Variants in CACNA1E observed in about 807,000 individuals in gnomAD.
CACNA1E encodes the protein calcium voltage-gated channel subunit alpha1 E.
A neutral mutation model predicts 259.2 loss-of-function variants in CACNA1E; 40 were observed. The observed-to-expected ratio is 0.15, with a 90% CI of 0.12 to 0.20. The LOEUF is 0.20. Among genes scored for constraint, CACNA1E ranks in the 10% least tolerant of loss-of-function variants. CACNA1E has a pLI of 1.00. For missense variants in CACNA1E, 1,874 were observed against 3,040.1 expected (o/e 0.62, Z 9.02); for synonymous variants, 1,104 against 1,138.5 (o/e 0.97, Z 0.61).
chr1:181,487,015 A>G (rs1002398508), intron 1 of CACNA1E, among the ~76,000 whole-genome samples: 3 of 146,328 alleles, frequency 2.1e-5, no homozygotes, highest in Non-Finnish European at 4.5e-5. Context: ...GCTCTTTGTA[A>G]GTGCCAGATT....
rs769497204 is a variant in CACNA1E, at chr1:181,579,243, G to C, written c.769+19G>C. ...AATTCAGGTAGGGTCGTTCTTTTCT[G>C]TCTTCTCCTTTTCCCTTCTCCCCTC... On this transcript the variant is annotated intron_variant, in intron 5 of 47. Coordinates refer to ENST00000367573, the MANE Select transcript of CACNA1E (RefSeq NM_001205293.3). 2.5e-6 allele frequency: 4 copies of C among 1,595,572 alleles called. No individual in the cohort carries two copies. The highest frequency in any genetic ancestry group is 3.4e-6 in the Non-Finnish European group (4 of 1,171,348).
In CACNA1E at chr1:181,803,875, T is replaced by C. The variant is rs962794785; in HGVS notation, c.*5041T>C. ...CAAAACTCAAGATAGCTGAGAAGTATGAATGGGGTTCACAGCAAAGTCCAA... is the reference window on the plus strand; with the variant it reads ...CAAAACTCAAGATAGCTGAGAAGTACGAATGGGGTTCACAGCAAAGTCCAA... On this transcript the variant is annotated 3_prime_UTR_variant, in exon 48 of 48. Transcript: ENST00000367573. 16 of 152,328 alleles carry C rather than the reference T, an allele frequency of 1.1e-4. No homozygotes were observed. Among genetic ancestry groups the C allele is most frequent in the African/African-American group, 3.6e-4 (15 of 41,578 alleles). The allele number at this position is 152,328 out of a possible 1,614,324, so 9.4% of individuals were successfully genotyped here.
At chr1:181,754,567 A>C (rs551314587) in intron 27 of CACNA1E, among the ~76,000 whole-genome samples, 2 of 152,328 alleles carry the variant, frequency 1.3e-5, no homozygotes, top group African/African-American at 4.8e-5. Context: ...GTAAGTCCCT[A>C]GTTCTATCTA....
intron 1 of CACNA1E, among the ~76,000 whole-genome samples, chr1:181,390,502 G>T (rs1656183643): frequency 6.6e-6 from 1 of 152,110 alleles, no homozygotes; most frequent in African/African-American, 2.4e-5. Context: ...GGACAGAGAA[G>T]AATTCTGGGC....
intron 6 of CACNA1E, among the ~76,000 whole-genome samples, chr1:181,602,378 T>C (rs1653827965): frequency 6.6e-6 from 1 of 152,202 alleles, no homozygotes; most frequent in South Asian, 2.1e-4. Flanking sequence ...TTTTGGAATA[T>C]TTGTATTATA....
rs60257271 is a variant in CACNA1E at position 181,440,983 on chromosome 1, C to CAAAA, written c.434+27436_434+27439dup. ...GTGAGAGAGCGAGACGACCTTGTTT[C>CAAAA]AAAAAAAAAAAAAAAAAAAAAAAAA... On this transcript the variant is annotated intron_variant, in intron 2 of 11. Transcript: ENST00000524607. Among the ~76,000 whole-genome samples, 4 of 38,170 alleles carry CAAAA rather than the reference C, an allele frequency of 1.0e-4. 1 individual carries two copies. Among genetic ancestry groups the CAAAA allele is most frequent in the Non-Finnish European group, 1.5e-4 (3 of 20,514 alleles). 25.0% of individuals were successfully genotyped at this position (38,170 alleles called of 152,430 possible).
chr1:181,435,301 T>C (rs1342777245), intron 2 of CACNA1E, among the ~76,000 whole-genome samples: 1 of 152,210 alleles, frequency 6.6e-6, no homozygotes, highest in Non-Finnish European at 1.5e-5. Flanking sequence ...GTTTTGACTG[T>C]AGTTTTGAGA....
chr1:181,510,411 G>C, intron 1 of CACNA1E, 66 bp from the exon 2 acceptor site: 1 of 1,041,396 alleles, frequency 9.6e-7, no homozygotes. Flanking sequence ...GTGTGTTTAT[G>C]GGCACGGCCA....
rs372481114 is a variant in CACNA1E at position 181,394,132 on chromosome 1, T to A, written c.-14-19001T>A. The stretch of plus-strand genomic sequence containing the variant: ...ACTCAGTCCAGGTGTGTGTGGAAGG[T>A]GCTTGATACAAGAATGGGAAGAGTG... On this transcript the variant is annotated intron_variant, in intron 1 of 11. Transcript: ENST00000524607. Among the ~76,000 whole-genome samples the A allele has an allele frequency of 9.2e-5, 14 of 152,278 alleles. No homozygotes were observed. In the East Asian group the frequency reaches 2.7e-3, roughly 29 times the overall value.
chr1:181,693,859 G>A lies in CACNA1E; in HGVS notation c.1056-17095G>A, dbSNP rs1216126496. On this transcript the variant is annotated intron_variant, in intron 7 of 47. Transcript: ENST00000367573. ...TTAAAATCTAAATAAACACAGATCTGTTAAAGGAATTTAATTCATATTCTA... is the reference window on the plus strand; with the variant it reads ...TTAAAATCTAAATAAACACAGATCTATTAAAGGAATTTAATTCATATTCTA... Among the ~76,000 whole-genome samples the A allele has an allele frequency of 2.6e-5, 4 of 152,184 alleles. No individual in the cohort carries two copies. In the East Asian group the frequency reaches 7.7e-4, roughly 29 times the overall value.
intron 7 of CACNA1E, among the ~76,000 whole-genome samples, chr1:181,660,721 A>T (rs1283859449): frequency 6.6e-6 from 1 of 152,162 alleles, no homozygotes; most frequent in Non-Finnish European, 1.5e-5. Flanking sequence ...AGTGTTCCAG[A>T]TGAGATCTCT....
intron 2 of CACNA1E, among the ~76,000 whole-genome samples, chr1:181,446,758 C>T (rs548021691): frequency 6.6e-6 from 1 of 152,254 alleles, no homozygotes; most frequent in South Asian, 2.1e-4. Flanking sequence ...TGCTGGGAGA[C>T]ATCATGAAAT....
At chr1:181,722,089 A>C (rs2102487471) in intron 16 of CACNA1E, among the ~76,000 whole-genome samples, 1 of 152,286 alleles carries the variant, frequency 6.6e-6, no homozygotes, top group East Asian at 1.9e-4. Flanking sequence ...GTATTATCCA[A>C]ATCTGTAGTG....
chr1:181,717,389 C>T lies in CACNA1E; in HGVS notation c.1525+87C>T, dbSNP rs555528626. ...TGTGTGAACGCAAGACAGCAAAGCACCCTGCTAGGAAAGGTTCTACCTCTT... is the reference window on the plus strand; with the variant it reads ...TGTGTGAACGCAAGACAGCAAAGCATCCTGCTAGGAAAGGTTCTACCTCTT... On this transcript the variant is annotated intron_variant, in intron 11 of 47. Coordinates refer to ENST00000367573, the MANE Select transcript of CACNA1E (RefSeq NM_001205293.3). 6 of 1,097,564 alleles carry T rather than the reference C, an allele frequency of 5.5e-6. No individual in the cohort carries two copies. The East Asian group carries it at 1.2e-4, about 22-fold the overall frequency. The allele number at this position is 1,097,564 out of a possible 1,614,324, so 68.0% of individuals were successfully genotyped here.
intron 17 of CACNA1E, among the ~76,000 whole-genome samples, chr1:181,725,663 C>T (rs1350638648): frequency 6.6e-6 from 1 of 152,222 alleles, no homozygotes; most frequent in Non-Finnish European, 1.5e-5. Flanking sequence ...TTGGCGGGGT[C>T]CTTGCCTGGA....
intron 3 of CACNA1E, among the ~76,000 whole-genome samples, chr1:181,559,865 AG>A (rs754323145): frequency 3.0e-4 from 45 of 152,250 alleles, no homozygotes; most frequent in Non-Finnish European, 5.4e-4. Context: ...GAAACAGGAG[AG>A]GGGGTCATCA....
intron 1 of CACNA1E, among the ~76,000 whole-genome samples, chr1:181,497,728 A>G (rs1017311480): frequency 1.3e-5 from 2 of 152,244 alleles, no homozygotes; most frequent in African/African-American, 4.8e-5. Flanking sequence ...CCAGAAGACC[A>G]GCAGGTACTC....
At chr1:181,416,121 A>G (rs549263424) in intron 2 of CACNA1E, among the ~76,000 whole-genome samples, 9 of 152,174 alleles carry the variant, frequency 5.9e-5, no homozygotes, top group Admixed American at 2.0e-4. Flanking sequence ...GTCCTTGGAC[A>G]TGCTCAGTTA....
intron 1 of CACNA1E, among the ~76,000 whole-genome samples, chr1:181,357,943 G>T (rs1045127070): frequency 1.3e-5 from 2 of 152,172 alleles, no homozygotes; most frequent in African/African-American, 4.8e-5. Context: ...GAAAAGGGAG[G>T]ATGGAGCCTT....
Sources: gnomAD v4.1 joint callset for allele counts (sites outside exome capture counted in the v4.1 genomes callset) on GRCh38, gnomAD v4.1.1 for gene constraint, MANE v1.5 for transcripts, NCBI Gene and HGNC (gene_info 2026-07-23, HGNC 2026-07-21) for gene names.